PLXNA4: variants seen among roughly 807,000 people sequenced by gnomAD.
The protein encoded by PLXNA4 is plexin-A4.
A neutral mutation model predicts 191.8 loss-of-function variants in PLXNA4; 44 were observed. The observed-to-expected ratio is 0.23, with a 90% CI of 0.18 to 0.29. PLXNA4 has a LOEUF of 0.29. PLXNA4 is among the 10% of genes least tolerant of loss of function. The pLI is 1.00. For missense variants in PLXNA4, 1,800 were observed against 2,488.8 expected (o/e 0.72, Z 5.89); for synonymous variants, 1,082 against 1,009.5 (o/e 1.07, Z -1.36).
intron 3 of PLXNA4, among the ~76,000 whole-genome samples, chr7:132,453,285 G>A (rs1050911476): frequency 6.6e-6 from 1 of 152,122 alleles, no homozygotes; most frequent in African/African-American, 2.4e-5. Context: ...GGAGAGAAAG[G>A]TGACACAGAC....
intron 1 of PLXNA4, among the ~76,000 whole-genome samples, chr7:132,522,843 G>A (rs574776832): frequency 6.6e-6 from 1 of 152,302 alleles, no homozygotes; most frequent in East Asian, 1.9e-4. Context: ...GCAAAAGTGG[G>A]AAGGGAAATT....
At chr7:132,559,779 C>A (rs946388108) in intron 1 of PLXNA4, among the ~76,000 whole-genome samples, 3 of 152,244 alleles carry the variant, frequency 2.0e-5, no homozygotes, top group Non-Finnish European at 4.4e-5. Context: ...GAATGCAAAG[C>A]ATCTGTCACT....
intron 3 of PLXNA4, among the ~76,000 whole-genome samples, chr7:132,376,169 C>T (rs1056783047): frequency 3.3e-5 from 5 of 152,104 alleles, no homozygotes; most frequent in African/African-American, 9.7e-5. Flanking sequence ...AGAGCTTTGG[C>T]GATGTGAAAA....
At chr7:132,499,198 G>A (rs531499695) in intron 2 of PLXNA4, among the ~76,000 whole-genome samples, 2 of 152,352 alleles carry the variant, frequency 1.3e-5, no homozygotes, top group East Asian at 3.9e-4. Context: ...CCTAGGGGTT[G>A]AACCCATGAC....
intron 1 of PLXNA4, among the ~76,000 whole-genome samples, chr7:132,522,581 G>A (rs889609032): frequency 1.6e-4 from 25 of 152,198 alleles, no homozygotes; most frequent in African/African-American, 5.3e-4. Flanking sequence ...AGATTAGCCT[G>A]GGCAATTTGG....
chr7:132,444,656 A>T (rs1042785982), intron 3 of PLXNA4, among the ~76,000 whole-genome samples: 1 of 152,144 alleles, frequency 6.6e-6, no homozygotes, highest in African/African-American at 2.4e-5. Flanking sequence ...CCTGGTGCAC[A>T]TCTGTGTTAA....
intron 1 of PLXNA4, among the ~76,000 whole-genome samples, chr7:132,573,336 G>A (rs1802064594): frequency 6.6e-6 from 1 of 152,148 alleles, no homozygotes; most frequent in African/African-American, 2.4e-5. Flanking sequence ...TGCATTGTCT[G>A]CGTATGCCTT....
chr7:132,624,100 T>C (rs539998563), intron 2 of PLXNA4, among the ~76,000 whole-genome samples: 46 of 152,332 alleles, frequency 3.0e-4, no homozygotes, highest in African/African-American at 1.1e-3. Context: ...TCAAGATAGA[T>C]TGTCATTTAA....
intron 5 of PLXNA4, among the ~76,000 whole-genome samples, chr7:132,232,723 G>A (rs1361963482): frequency 6.6e-6 from 1 of 152,212 alleles, no homozygotes; most frequent in African/African-American, 2.4e-5. Flanking sequence ...CAGCCAAGTG[G>A]AAAATTAGAA....
At chr7:132,558,739 C>T (rs1003254472) in intron 1 of PLXNA4, among the ~76,000 whole-genome samples, 3 of 152,238 alleles carry the variant, frequency 2.0e-5, no homozygotes, top group Non-Finnish European at 1.5e-5. Context: ...GCCAGTACCC[C>T]GCCTCTTTCG....
intron 9 of PLXNA4, among the ~76,000 whole-genome samples, chr7:132,220,639 C>T (rs900639509): frequency 2.1e-4 from 32 of 151,792 alleles, no homozygotes; most frequent in African/African-American, 6.5e-4. Context: ...TTCCTTTCTC[C>T]GGGGCCCTGG....
chr7:132,547,246 C>G (rs745928380), intron 1 of PLXNA4, among the ~76,000 whole-genome samples: 7 of 152,208 alleles, frequency 4.6e-5, no homozygotes, highest in Non-Finnish European at 2.9e-5. Flanking sequence ...AGGAAGGCAT[C>G]ATCACCCCCA....
intron 3 of PLXNA4, among the ~76,000 whole-genome samples, chr7:132,306,577 C>T (rs1406516343): frequency 1.3e-5 from 2 of 152,100 alleles, no homozygotes; most frequent in African/African-American, 4.8e-5. Flanking sequence ...ATGATGTAGC[C>T]CTCATCACTG....
intron 3 of PLXNA4, among the ~76,000 whole-genome samples, chr7:132,462,435 T>TA (rs368229225): frequency 6.6e-6 from 1 of 152,246 alleles, no homozygotes; most frequent in South Asian, 2.1e-4. Flanking sequence ...AGGCTGCCAC[T>TA]AAAAACCATG....
chr7:132,625,964 G>A (rs1207772841), intron 2 of PLXNA4, among the ~76,000 whole-genome samples: 1 of 152,172 alleles, frequency 6.6e-6, no homozygotes, highest in Non-Finnish European at 1.5e-5. Flanking sequence ...GAAAAGATCT[G>A]AGTAGTCTGA....
intron 3 of PLXNA4, among the ~76,000 whole-genome samples, chr7:132,415,296 G>A (rs1409535678): frequency 6.6e-6 from 1 of 152,218 alleles, no homozygotes; most frequent in Non-Finnish European, 1.5e-5. Flanking sequence ...AGACACAGAT[G>A]TCTGAAGAAA....
intron 10 of PLXNA4, among the ~76,000 whole-genome samples, chr7:132,205,410 C>T (rs1797583201): frequency 6.6e-6 from 1 of 152,108 alleles, no homozygotes; most frequent in Non-Finnish European, 1.5e-5. Context: ...AGAATCCCTG[C>T]AGTCTATTAG....
In PLXNA4 at chr7:132,503,815, C is replaced by A. The variant is rs79766209; in HGVS notation, c.1188+3691G>T. ...TGGGGCTCTGACAGACCCTCTAGGACCCCCCCTCATACCCATGTCCTCATG... is the reference window on the plus strand; with the variant it reads ...TGGGGCTCTGACAGACCCTCTAGGAACCCCCCTCATACCCATGTCCTCATG... On this transcript the variant is annotated intron_variant, in intron 2 of 31. Transcript: ENST00000321063. Among the ~76,000 whole-genome samples, 862 of 152,236 alleles carry A rather than the reference C, an allele frequency of 5.7e-3. 8 individuals carry two copies. The highest frequency in any genetic ancestry group is 0.02 in the African/African-American group (810 of 41,536).
chr7:132,630,685 G>T (rs567870442), intron 2 of PLXNA4, among the ~76,000 whole-genome samples: 1 of 151,892 alleles, frequency 6.6e-6, no homozygotes, highest in Non-Finnish European at 1.5e-5. Flanking sequence ...CTAATTTTTT[G>T]TATTTTTAGT....
Sources: gnomAD v4.1 joint callset for allele counts (sites outside exome capture counted in the v4.1 genomes callset) on GRCh38, gnomAD v4.1.1 for gene constraint, MANE v1.5 for transcripts, NCBI Gene and HGNC (gene_info 2026-07-23, HGNC 2026-07-21) for gene names.